The following RBFOX1 variants were observed in gnomAD, a reference collection of about 807,000 sequenced individuals.
The protein encoded by RBFOX1 is RNA binding fox-1 homolog 1.
RBFOX1 carries 8 observed loss-of-function variants against 57.7 expected under a neutral mutation model. That is an observed-to-expected ratio of 0.14 (90% CI 0.08 to 0.25). The LOEUF is 0.25. Ranked by LOEUF, RBFOX1 falls within the 10% of genes least tolerant of loss-of-function variation. RBFOX1 has a pLI of 1.00. For missense variants in RBFOX1, 611 were observed against 548.5 expected, an observed-to-expected ratio of 1.11 and a Z score of -1.14; for synonymous variants, 326 against 222.4, an observed-to-expected ratio of 1.47 and a Z score of -4.15.
At chr16:7,583,989 C>T (rs374414846) in intron 6 of RBFOX1, among the ~76,000 whole-genome samples, 1 of 152,266 alleles carries the variant, frequency 6.6e-6, no homozygotes. Context: ...CTTGCCTGTA[C>T]TTATGACGTT....
At chr16:6,415,575 CCTG>C (rs1313443195) in intron 2 of RBFOX1, among the ~76,000 whole-genome samples, 2 of 151,932 alleles carry the variant, frequency 1.3e-5, no homozygotes, top group African/African-American at 4.8e-5. Flanking sequence ...GTGGCAGGCA[CCTG>C]CAGTCCCAGC....
intron 1 of RBFOX1, among the ~76,000 whole-genome samples, chr16:6,031,853 A>G (rs896108958): frequency 1.3e-5 from 2 of 152,140 alleles, no homozygotes; most frequent in African/African-American, 4.8e-5. Flanking sequence ...TTTGTATGGT[A>G]CATTCAGTGA....
At chr16:5,720,612 T>G (rs2051894688) in intron 3 of RBFOX1, among the ~76,000 whole-genome samples, 2 of 152,340 alleles carry the variant, frequency 1.3e-5, no homozygotes, top group East Asian at 3.9e-4. Context: ...CATTTTTATC[T>G]ATGGTGGAAG....
intron 3 of RBFOX1, among the ~76,000 whole-genome samples, chr16:6,871,441 C>G (rs759833446): frequency 1.3e-5 from 2 of 152,146 alleles, no homozygotes; most frequent in Non-Finnish European, 2.9e-5. Flanking sequence ...TCACCTCAGC[C>G]TCCCAAATTG....
intron 3 of RBFOX1, among the ~76,000 whole-genome samples, chr16:6,879,123 T>A (rs1249784756): frequency 6.6e-6 from 1 of 152,220 alleles, no homozygotes; most frequent in Non-Finnish European, 1.5e-5. Flanking sequence ...CAGTTTGACC[T>A]TCATTTCAGC....
At chr16:5,259,221 G>A (rs2062667267) in intron 1 of RBFOX1, among the ~76,000 whole-genome samples, 1 of 151,434 alleles carries the variant, frequency 6.6e-6, no homozygotes, top group South Asian at 2.1e-4. Flanking sequence ...ATAGTTCCAT[G>A]TTTCTACAAC....
At chr16:6,550,482 T>C (rs1262994428) in intron 2 of RBFOX1, among the ~76,000 whole-genome samples, 3 of 152,146 alleles carry the variant, frequency 2.0e-5, no homozygotes, top group African/African-American at 4.8e-5. Flanking sequence ...TCTGCCACCA[T>C]GCCCACCTAA....
intron 3 of RBFOX1, among the ~76,000 whole-genome samples, chr16:6,791,528 G>A (rs2154248641): frequency 6.6e-6 from 1 of 152,290 alleles, no homozygotes; most frequent in East Asian, 1.9e-4. Flanking sequence ...GGAGGCCGAG[G>A]TGGGTGGATC....
intron 1 of RBFOX1, among the ~76,000 whole-genome samples, chr16:5,425,023 T>TCCTC (rs771985845): frequency 2.1e-5 from 3 of 141,068 alleles, no homozygotes; most frequent in East Asian, 2.1e-4. Flanking sequence ...CTTTCTTGAT[T>TCCTC]CCTCCCTCCC....
chr16:5,357,379 A>G lies in RBFOX1; in HGVS notation c.220-109837A>G, dbSNP rs145395956. Among the ~76,000 whole-genome samples, 753 of 152,318 alleles carry G rather than the reference A, an allele frequency of 4.9e-3. 7 individuals are homozygous for G. Among genetic ancestry groups the G allele is most frequent in the African/African-American group, 0.017 (705 of 41,558 alleles). The stretch of plus-strand genomic sequence containing the variant: ...AGAACCACCTCTTGCTCTGGGGTGT[A>G]AATGCAGGTGCAGAGGATAGCCATG... On this transcript the variant is annotated intron_variant, in intron 1 of 2. Coordinates refer to the RBFOX1 transcript ENST00000585867.
Position 7,155,080 on chromosome 16 carries a change from G to A in RBFOX1, c.27+102982G>A, listed in dbSNP as rs545785670. ...TCTTATGTGTGTGTGTTTCTTCAAG[G>A]TATCAATGCAAACTCTCCAAAGCCT... On this transcript the variant is annotated intron_variant, in intron 4 of 15. Transcript: ENST00000550418. Among the ~76,000 whole-genome samples, 7 of 152,174 alleles carry A rather than the reference G, an allele frequency of 4.6e-5. No individual in the cohort carries two copies. In the South Asian group the frequency reaches 8.3e-4, roughly 18 times the overall value.
chr16:5,907,449 TATC>T (rs1457532553), intron 4 of RBFOX1, among the ~76,000 whole-genome samples: 1 of 152,154 alleles, frequency 6.6e-6, no homozygotes, highest in Non-Finnish European at 1.5e-5. Context: ...ATTATATTAA[TATC>T]ATCATCTGTG....
At chr16:7,677,112 G>A (rs562601985) in intron 14 of RBFOX1, among the ~76,000 whole-genome samples, 3 of 76,338 alleles carry the variant, frequency 3.9e-5, no homozygotes, top group South Asian at 6.4e-4. Context: ...CTGTGACAAC[G>A]CACCTTGCTC....
intron 3 of RBFOX1, among the ~76,000 whole-genome samples, chr16:5,793,290 C>T (rs1055225789): frequency 2.0e-5 from 3 of 152,226 alleles, no homozygotes; most frequent in East Asian, 1.9e-4. Flanking sequence ...TCCCCTGGCC[C>T]GCCTCCGAAA....
intron 1 of RBFOX1, among the ~76,000 whole-genome samples, chr16:5,327,015 G>C (rs1412455545): frequency 6.6e-6 from 1 of 152,174 alleles, no homozygotes; most frequent in African/African-American, 2.4e-5. Context: ...GGGAGGTATT[G>C]ATCATTAGAT....
At position 7,573,224 on chromosome 16, in the gene RBFOX1, C is replaced by T. The variant is rs562421840; in HGVS notation, c.271-6553C>T. On this transcript the variant is annotated intron_variant, in intron 5 of 15. Transcript: ENST00000550418. ...TTCCAGGCAAAGGGCAGAATGAATG[C>T]AAAGACCAAAGATGGGGTCAGGAAA... Among the ~76,000 whole-genome samples the T allele has an allele frequency of 6.3e-4, 95 of 151,990 alleles. 1 individual carries two copies. The highest frequency in any genetic ancestry group is 2.1e-3 in the African/African-American group (85 of 41,444).
intron 3 of RBFOX1, among the ~76,000 whole-genome samples, chr16:6,832,547 G>A (rs2092782580): frequency 6.6e-6 from 1 of 152,178 alleles, no homozygotes; most frequent in Non-Finnish European, 1.5e-5. Context: ...TAGTATGAAT[G>A]TCTTGGGGTC....
intron 1 of RBFOX1, among the ~76,000 whole-genome samples, chr16:6,056,432 C>T (rs1416512275): frequency 6.6e-6 from 1 of 152,164 alleles, no homozygotes; most frequent in Non-Finnish European, 1.5e-5. Flanking sequence ...CTTCCCCTAC[C>T]CCTTTTCTCT....
intron 3 of RBFOX1, among the ~76,000 whole-genome samples, chr16:6,899,245 G>T (rs1001304340): frequency 6.6e-6 from 1 of 151,814 alleles, no homozygotes; most frequent in Non-Finnish European, 1.5e-5. Context: ...CCATGTGTAT[G>T]TTTGCGTGCA....
Sources: allele counts gnomAD v4.1 joint callset (sites outside exome capture counted in the v4.1 genomes callset), GRCh38; gene constraint gnomAD v4.1.1; transcripts MANE v1.5; gene names NCBI Gene and HGNC (gene_info 2026-07-23, HGNC 2026-07-21).